NR2F1-AS1: variants seen among roughly 807,000 people sequenced by gnomAD.
NR2F1-AS1 encodes the protein NR2F1 antisense RNA 1.
At position 93,576,587 on chromosome 5, in the gene NR2F1-AS1, A is replaced by C. The variant is rs144495521; in HGVS notation, n.313+3880T>G. Among the ~76,000 whole-genome samples the C allele has an allele frequency of 2.6e-5, 4 of 152,276 alleles. No homozygotes were observed. In the East Asian group the frequency reaches 7.7e-4, roughly 29 times the overall value. The stretch of plus-strand genomic sequence containing the variant: ...GATAGGTAAATACAATTGCAACATG[A>C]CTGGTAACACCAGCAGACCTGCTGG... On this transcript the variant is annotated intron_variant and non_coding_transcript_variant, in intron 1 of 5. Transcript: ENST00000660523.
chr5:93,517,024 A>C (rs1387239831), intron 4 of NR2F1-AS1, among the ~76,000 whole-genome samples: 1 of 151,948 alleles, frequency 6.6e-6, no homozygotes, highest in Non-Finnish European at 1.5e-5. Flanking sequence ...TTATTGAAGA[A>C]TAAAGATATT....
chr5:93,483,437 T>A (rs1299625251), intron 4 of NR2F1-AS1, among the ~76,000 whole-genome samples: 1 of 151,902 alleles, frequency 6.6e-6, no homozygotes, highest in Non-Finnish European at 1.5e-5. Flanking sequence ...AGAAACCCCA[T>A]CCGAAGGTCA....
chr5:93,466,493 C>A (rs1015710343), intron 4 of NR2F1-AS1, among the ~76,000 whole-genome samples: 3 of 151,928 alleles, frequency 2.0e-5, no homozygotes, highest in African/African-American at 7.2e-5. Flanking sequence ...CCCACCACCA[C>A]GCCTGGCTAA....
At chr5:93,545,478 T>C (rs183963024) in intron 4 of NR2F1-AS1, among the ~76,000 whole-genome samples, 6 of 152,246 alleles carry the variant, frequency 3.9e-5, no homozygotes, top group Admixed American at 2.0e-4. Flanking sequence ...AATGACTTAA[T>C]GTTTTGGAAG....
At chr5:93,502,472 C>A (rs1224861927) in intron 4 of NR2F1-AS1, among the ~76,000 whole-genome samples, 4 of 152,060 alleles carry the variant, frequency 2.6e-5, no homozygotes, top group African/African-American at 9.7e-5. Flanking sequence ...AACGTAGAAA[C>A]TGAACCTAGG....
intron 1 of NR2F1-AS1, among the ~76,000 whole-genome samples, chr5:93,578,651 G>A (rs1204576116): frequency 6.6e-6 from 1 of 152,148 alleles, no homozygotes; most frequent in African/African-American, 2.4e-5. Flanking sequence ...CTCAGCTTAA[G>A]GTTCCGAGGT....
intron 4 of NR2F1-AS1, among the ~76,000 whole-genome samples, chr5:93,468,264 CCCA>C (rs1288653876): frequency 1.3e-5 from 2 of 152,192 alleles, no homozygotes; most frequent in African/African-American, 2.4e-5. Context: ...AATTTACACT[CCCA>C]CCAACAGTGT....
chr5:93,496,650 C>T (rs1440519955), intron 4 of NR2F1-AS1, among the ~76,000 whole-genome samples: 1 of 152,194 alleles, frequency 6.6e-6, no homozygotes, highest in Non-Finnish European at 1.5e-5. Flanking sequence ...CCAATGTCTT[C>T]CTGGCTTTGC....
chr5:93,413,127 GTCT>G (rs1389298413), intron 4 of NR2F1-AS1, among the ~76,000 whole-genome samples: 5 of 149,742 alleles, frequency 3.3e-5, no homozygotes, highest in Non-Finnish European at 7.4e-5. Context: ...GAATCTAAGT[GTCT>G]TCTTAATAAA....
At chr5:93,420,461 G>A (rs1412267551) in intron 4 of NR2F1-AS1, among the ~76,000 whole-genome samples, 1 of 152,168 alleles carries the variant, frequency 6.6e-6, no homozygotes, top group Non-Finnish European at 1.5e-5. Flanking sequence ...GCATATCTGG[G>A]GTGGCTGAAG....
chr5:93,494,997 A>G (rs1036261239), intron 4 of NR2F1-AS1, among the ~76,000 whole-genome samples: 9 of 152,200 alleles, frequency 5.9e-5, no homozygotes, highest in African/African-American at 1.9e-4. Context: ...AAGCAAATCC[A>G]TAGCAATAGA....
chr5:93,577,832 G>T (rs988305593), intron 1 of NR2F1-AS1, among the ~76,000 whole-genome samples: 3 of 152,124 alleles, frequency 2.0e-5, no homozygotes, highest in Non-Finnish European at 4.4e-5. Context: ...ATAAAACGGG[G>T]TTAGTTCTGT....
At chr5:93,545,060 T>C (rs1490705674) in intron 4 of NR2F1-AS1, 1 of 152,030 alleles carries the variant, frequency 6.6e-6, no homozygotes, top group East Asian at 1.9e-4. Context: ...CATGAAGAGA[T>C]GGATTGGATA....
chr5:93,560,988 T>C (rs1294900909), intron 2 of NR2F1-AS1, among the ~76,000 whole-genome samples: 2 of 152,224 alleles, frequency 1.3e-5, no homozygotes, highest in Non-Finnish European at 1.5e-5. Context: ...AAGAGCTATC[T>C]GATGGCCGGG....
upstream of NR2F1-AS1, among the ~76,000 whole-genome samples, chr5:93,582,881 G>C (rs1753140189): frequency 6.6e-6 from 1 of 150,524 alleles, no homozygotes; most frequent in Admixed American, 6.6e-5. Context: ...GCGCTTGTCA[G>C]AAACACACCC....
chr5:93,500,937 T>C (rs954564245), intron 4 of NR2F1-AS1, among the ~76,000 whole-genome samples: 4 of 152,280 alleles, frequency 2.6e-5, no homozygotes, highest in South Asian at 2.1e-4. Context: ...AATTAAAAAA[T>C]ACATTTTGTA....
exon 1 of NR2F1-AS1, chr5:93,580,518 G>C (rs555146828): frequency 6.6e-6 from 1 of 152,580 alleles, no homozygotes; most frequent in Non-Finnish European, 1.5e-5. Context: ...ACGACGCACG[G>C]TCCAGGGTCC....
intron 4 of NR2F1-AS1, among the ~76,000 whole-genome samples, chr5:93,435,379 T>C (rs138245310): frequency 0.014 from 2,193 of 152,324 alleles, 35 homozygotes; most frequent in South Asian, 0.054. Flanking sequence ...CCCATCATAA[T>C]TGGAGCTGTA....
intron 4 of NR2F1-AS1, among the ~76,000 whole-genome samples, chr5:93,446,129 G>A (rs1027239485): frequency 6.6e-6 from 1 of 152,150 alleles, no homozygotes; most frequent in Non-Finnish European, 1.5e-5. Flanking sequence ...CATTCCCTTG[G>A]AAAACTGGCA....
Sources: gnomAD v4.1 joint callset for allele counts (sites outside exome capture counted in the v4.1 genomes callset) on GRCh38, gnomAD v4.1.1 for gene constraint, MANE v1.5 for transcripts, NCBI Gene and HGNC (gene_info 2026-07-23, HGNC 2026-07-21) for gene names.